CD2AP: variants seen among roughly 807,000 people sequenced by gnomAD.
CD2AP encodes the protein CD2 associated protein.
Under a neutral mutation model 85.1 loss-of-function variants are expected in CD2AP, and 46 were observed. That is an observed-to-expected ratio of 0.54 (90% confidence interval 0.43 to 0.69). The LOEUF is 0.69. Among genes scored for constraint, CD2AP ranks in the 30% least tolerant of loss-of-function variants. The probability of loss-of-function intolerance (pLI) is 0.00; values close to 1 mark genes in which losing one functional copy is unlikely to be tolerated. For synonymous variants in CD2AP, 255 were observed against 252.9 expected, an observed-to-expected ratio of 1.01 and a Z score of -0.08; for missense variants, 769 against 729.5, an observed-to-expected ratio of 1.05 and a Z score of -0.62.
chr6:47,555,532 AGGTTGCCAGTATCATT>A (rs1290361838), intron 5 of CD2AP, among the ~76,000 whole-genome samples: 3 of 152,182 alleles, frequency 2.0e-5, no homozygotes, highest in African/African-American at 7.2e-5. Context: ...CATAACCTTA[AGGTTGCCAGTATCATT>A]GGTTTTTGTT....
intron 11 of CD2AP, among the ~76,000 whole-genome samples, chr6:47,589,456 A>G (rs925765633): frequency 3.3e-5 from 5 of 151,264 alleles, no homozygotes; most frequent in African/African-American, 9.7e-5. Flanking sequence ...ACAAATATAT[A>G]TACATATATA....
At chr6:47,577,664 A>T (rs774203901) in intron 8 of CD2AP, among the ~76,000 whole-genome samples, 8 of 152,206 alleles carry the variant, frequency 5.3e-5, no homozygotes, top group Non-Finnish European at 1.0e-4. Flanking sequence ...TCCTATAATA[A>T]CTAGTATTAT....
chr6:47,582,985 A>G (rs1301900911), intron 11 of CD2AP, among the ~76,000 whole-genome samples: 2 of 151,598 alleles, frequency 1.3e-5, no homozygotes, highest in Non-Finnish European at 2.9e-5. Context: ...GGGTTTCACC[A>G]TGTTAGCCAG....
chr6:47,597,202 C>T (rs945894567), intron 12 of CD2AP, among the ~76,000 whole-genome samples: 1 of 150,756 alleles, frequency 6.6e-6, no homozygotes, highest in African/African-American at 2.4e-5. Flanking sequence ...ACCAAGGGCT[C>T]TTAGAGATGG....
intron 11 of CD2AP, among the ~76,000 whole-genome samples, chr6:47,585,304 A>G (rs938277858): frequency 1.3e-5 from 2 of 148,194 alleles, no homozygotes; most frequent in East Asian, 3.9e-4. Flanking sequence ...CTCCGTCTCA[A>G]AAAAAAAAAA....
chr6:47,570,680 T>A (rs1023731867), intron 5 of CD2AP, among the ~76,000 whole-genome samples: 4 of 152,176 alleles, frequency 2.6e-5, no homozygotes, highest in African/African-American at 9.7e-5. Context: ...CCAGGCACTG[T>A]TTAAAGCACT....
At chr6:47,554,016 C>G (rs6458574) in intron 4 of CD2AP, among the ~76,000 whole-genome samples, 133,186 of 152,070 alleles carry the variant, frequency 0.88, 58,640 homozygotes, top group Non-Finnish European at 0.92. Flanking sequence ...GAGTCCAGTG[C>G]CACAATTGGG....
rs146094320 is a variant in CD2AP at position 47,585,432 on chromosome 6, A to G, written c.1108+3367A>G. ...ACTGGAAAATTGGACAAAATGTATG[A>G]AACAGTGGCTTTCACATATCGGACA... On this transcript the variant is annotated intron_variant, in intron 11 of 17. Transcript: ENST00000359314. Among the ~76,000 whole-genome samples the G allele has an allele frequency of 5.8e-4, 88 of 152,332 alleles. 1 individual carries two copies. The East Asian group carries it at 0.017, about 29-fold the overall frequency.
intron 1 of CD2AP, 66 bp downstream of exon 1, chr6:47,478,314 T>C: frequency 6.5e-7 from 1 of 1,548,572 alleles, no homozygotes; most frequent in East Asian, 2.4e-5. Flanking sequence ...CTGTGCCCTT[T>C]CTCGGCCTTC....
At chr6:47,585,879 A>C (rs1768614365) in intron 11 of CD2AP, among the ~76,000 whole-genome samples, 1 of 152,246 alleles carries the variant, frequency 6.6e-6, no homozygotes, top group South Asian at 2.1e-4. Flanking sequence ...AAAACAGTGT[A>C]TCACCTTAGA....
At chr6:47,578,810 C>T (rs1451050871) in intron 8 of CD2AP, among the ~76,000 whole-genome samples, 2 of 151,962 alleles carry the variant, frequency 1.3e-5, no homozygotes, top group Non-Finnish European at 1.5e-5. Flanking sequence ...GCGCCTGTCA[C>T]GATGCCTGGC....
Position 47,478,143 on chromosome 6 carries a change from A to G in CD2AP, c.-102A>G, listed in dbSNP as rs948203089. The stretch of plus-strand genomic sequence containing the variant: ...CTGAGCTCAGGAGGGGCTAGCGCGG[A>G]GCGCGGGTCCCGCCTCCAGCCGCGG... On this transcript the variant is annotated 5_prime_UTR_variant, in exon 1 of 18. Coordinates refer to ENST00000359314, the MANE Select transcript of CD2AP (RefSeq NM_012120.3). 1 of 1,445,956 alleles carries G rather than the reference A, an allele frequency of 6.9e-7. No individual in the cohort carries two copies. Among genetic ancestry groups the G allele is most frequent in the African/African-American group, 1.4e-5 (1 of 70,856 alleles). The allele number at this position is 1,445,956 out of a possible 1,614,324, so 89.6% of individuals were successfully genotyped here.
chr6:47,567,472 A>C (rs9463339), intron 5 of CD2AP, among the ~76,000 whole-genome samples: 92,171 of 151,946 alleles, frequency 0.61, 28,728 homozygotes, highest in Middle Eastern at 0.74. Context: ...GGCATGATTT[A>C]CCCCCCTTGT....
At chr6:47,490,184 T>TA (rs1253663968) in intron 1 of CD2AP, among the ~76,000 whole-genome samples, 2 of 152,170 alleles carry the variant, frequency 1.3e-5, no homozygotes, top group African/African-American at 4.8e-5. Flanking sequence ...GGTCTTGCCA[T>TA]ATTGCCCAGG....
intron 2 of CD2AP, among the ~76,000 whole-genome samples, chr6:47,520,621 G>A (rs765447278): frequency 1.3e-5 from 2 of 152,032 alleles, no homozygotes; most frequent in Non-Finnish European, 2.9e-5. Context: ...GGTTGGGGGC[G>A]AAAGTGGGGT....
chr6:47,569,194 A>G (rs1768081843), intron 5 of CD2AP, among the ~76,000 whole-genome samples: 1 of 152,160 alleles, frequency 6.6e-6, no homozygotes, highest in African/African-American at 2.4e-5. Context: ...AAAAGTGTTG[A>G]TCATCTTGAC....
At position 47,549,460 on chromosome 6, in the gene CD2AP, C is replaced by CAAA. The variant is rs67626138; in HGVS notation, c.420+4772_420+4774dup. On this transcript the variant is annotated intron_variant, in intron 4 of 17. Coordinates refer to ENST00000359314, the MANE Select transcript of CD2AP (RefSeq NM_012120.3). ...AACTCAACGCCTTTTACAATAGCTG[C>CAAA]AAAAAAAAAAAAAAAAAAAATAAGA... 6.8e-3 allele frequency among the ~76,000 whole-genome samples: 753 copies of CAAA among 110,614 alleles called. 12 individuals are homozygous for CAAA. The highest frequency in any genetic ancestry group is 0.017 in the Middle Eastern group (3 of 180). The allele number at this position is 110,614 out of a possible 152,430, so 72.6% of individuals were successfully genotyped here. A position where few individuals can be genotyped will look rare whatever the true frequency, so the allele number is the denominator to read the frequency against.
chr6:47,567,792 A>G (rs1240013138), intron 5 of CD2AP, among the ~76,000 whole-genome samples: 1 of 152,188 alleles, frequency 6.6e-6, no homozygotes, highest in Non-Finnish European at 1.5e-5. Context: ...GCCTGGAGAA[A>G]TTATTGGGTC....
intron 6 of CD2AP, 93 bp from the exon 7 acceptor site, chr6:47,576,431 G>C (rs1768314678): frequency 4.6e-6 from 4 of 867,998 alleles, no homozygotes; most frequent in Non-Finnish European, 5.9e-6. Context: ...AGTACCATTA[G>C]GGAAAGCTGG....
Sources: allele counts gnomAD v4.1 joint callset (sites outside exome capture counted in the v4.1 genomes callset), GRCh38; gene constraint gnomAD v4.1.1; transcripts MANE v1.5; gene names NCBI Gene and HGNC (gene_info 2026-07-23, HGNC 2026-07-21).